NOS2: variants seen among roughly 807,000 people sequenced by gnomAD.
The protein encoded by NOS2 is nitric oxide synthase, inducible.
NOS2 carries 96 observed loss-of-function variants against 136.0 expected under a neutral mutation model. The observed-to-expected ratio is 0.71, with a 90% CI of 0.60 to 0.84. NOS2 has a LOEUF of 0.84. Ranked by LOEUF, NOS2 falls within the 40% of genes least tolerant of loss-of-function variation. NOS2 has a pLI of 0.00. For synonymous variants in NOS2, 539 were observed against 587.5 expected (o/e 0.92, Z 1.20); for missense variants, 1,237 against 1,496.9 (o/e 0.83, Z 2.87).
At chr17:27,794,340 G>A (rs1255392248) in intron 2 of NOS2, among the ~76,000 whole-genome samples, 1 of 152,186 alleles carries the variant, frequency 6.6e-6, no homozygotes, top group Non-Finnish European at 1.5e-5. Flanking sequence ...AATATTGCAG[G>A]AGGGATCGTA....
chr17:27,764,309 G>T (rs1385913330), intron 20 of NOS2, among the ~76,000 whole-genome samples, 165 bp from the exon 21 acceptor site: 1 of 152,032 alleles, frequency 6.6e-6, no homozygotes, highest in African/African-American at 2.4e-5. Context: ...GTGGCGCATG[G>T]AGAAAGGACT....
intron 22 of NOS2, 72 bp from the exon 23 acceptor site, chr17:27,761,303 A>G (rs1268940807): frequency 9.3e-7 from 1 of 1,076,050 alleles, no homozygotes; most frequent in Non-Finnish European, 1.3e-6. Context: ...TGCTCCGCCC[A>G]CACCACGGCC....
chr17:27,759,662 C>T (rs751565381), intron 25 of NOS2, among the ~76,000 whole-genome samples: 3 of 152,154 alleles, frequency 2.0e-5, no homozygotes, highest in Non-Finnish European at 2.9e-5. Context: ...GACAGAAGAG[C>T]CCCTCTGATG....
chr17:27,767,667 A>G (rs1234523928), intron 18 of NOS2, 38 bp downstream of exon 18: 2 of 1,608,364 alleles, frequency 1.2e-6, no homozygotes, highest in Non-Finnish European at 8.5e-7. Context: ...TCAGACCCCA[A>G]CACAAACAAG....
chr17:27,797,564 A>G (rs1469322966), intron 2 of NOS2, among the ~76,000 whole-genome samples: 1 of 152,230 alleles, frequency 6.6e-6, no homozygotes, highest in Non-Finnish European at 1.5e-5. Context: ...AGATACACTC[A>G]GGGCCGTCAT....
chr17:27,785,579 G>A (rs1424125677), intron 5 of NOS2, among the ~76,000 whole-genome samples: 1 of 151,974 alleles, frequency 6.6e-6, no homozygotes, highest in Non-Finnish European at 1.5e-5. Flanking sequence ...GTGCAGCCAG[G>A]GTTGAGGACC....
At position 27,758,945 on chromosome 17, in the gene NOS2, T is replaced by C. The variant is rs756498871; in HGVS notation, c.3290A>G (p.Gln1097Arg). ...MARDVAHTLK[Q>R]LVAAKLKLNE... ...CAATTTCAGCTTGGCAGCCACCAGC[T>C]GCTTCAGGGTGTGGGCCACGTCCCG... The change falls in exon 26 of 27, where the codon CAG becomes CGG. Residue 1097 changes from glutamine to arginine, a missense_variant. By Grantham distance (43) the Gln-to-Arg change is conservative. Transcript: ENST00000313735. 2 of 1,612,068 alleles carry C rather than the reference T, an allele frequency of 1.2e-6. No homozygotes were observed. Among genetic ancestry groups the C allele is most frequent in the Non-Finnish European group, 1.7e-6 (2 of 1,179,180 alleles).
Position 27,761,206 on chromosome 17 carries a change from G to A in NOS2, c.2826C>T (p.Gly942=), listed in dbSNP as rs1060828. 1.4e-5 allele frequency: 22 copies of A among 1,609,214 alleles called. No individual in the cohort carries two copies. The African/African-American group carries it at 1.6e-4, about 12-fold the overall frequency. Residue 942 remains glycine, a synonymous_variant, in exon 23 of 27, where the codon GGC becomes GGT. Coordinates refer to ENST00000313735, the MANE Select transcript of NOS2 (RefSeq NM_000625.4). ...GGCTGTTGAGCCATGTGCTGCAGAC[G>A]CCGTGGTGCAGGGGACCCTGGCCAT... ...TRDGQGPLHH[G]VCSTWLNSLK...
At chr17:27,769,386 GAC>G in intron 16 of NOS2, 147 bp downstream of exon 16, 2 of 764,568 alleles carry the variant, frequency 2.6e-6, no homozygotes, top group Non-Finnish European at 4.4e-6. Flanking sequence ...TTTGACCCTC[GAC>G]ACATTCTGAG....
intron 22 of NOS2, among the ~76,000 whole-genome samples, chr17:27,762,137 C>T (rs1247569010): frequency 6.6e-6 from 1 of 152,030 alleles, no homozygotes; most frequent in Non-Finnish European, 1.5e-5. Context: ...TCTATGGCAG[C>T]GTCACCCCCT....
intron 11 of NOS2, among the ~76,000 whole-genome samples, chr17:27,776,281 T>C (rs1321178793): frequency 6.6e-6 from 1 of 152,208 alleles, no homozygotes; most frequent in African/African-American, 2.4e-5. Flanking sequence ...TATATGTGTA[T>C]ATAAAAGTCC....
rs3730013 is a variant in NOS2, at chr17:27,798,892, G to A, written c.-73-10C>T. On this transcript the variant is annotated splice_polypyrimidine_tract_variant and intron_variant, in intron 1 of 26. Coordinates refer to ENST00000313735, the MANE Select transcript of NOS2 (RefSeq NM_000625.4). ...GTTCTTCACTGTGGGGCTGAAGAAG[G>A]GAAGCAGAGGTGAGGGAAGGTTGAA... 306,804 of 886,886 alleles carry A rather than the reference G, an allele frequency of 0.35. 53,564 individuals are homozygous for A. Among genetic ancestry groups the A allele is most frequent in the Admixed American group, 0.45 (24,871 of 54,956 alleles). The allele number at this position is 886,886 out of a possible 1,614,324, so 54.9% of individuals were successfully genotyped here.
At chr17:27,793,129 C>T (rs889684294) in intron 2 of NOS2, among the ~76,000 whole-genome samples, 1 of 122,136 alleles carries the variant, frequency 8.2e-6, no homozygotes, top group African/African-American at 3.1e-5. Context: ...GATTCCCCTG[C>T]GGTTCCGACG....
intron 12 of NOS2, among the ~76,000 whole-genome samples, chr17:27,773,493 T>G (rs1908565723): frequency 6.6e-6 from 1 of 152,208 alleles, no homozygotes; most frequent in African/African-American, 2.4e-5. Context: ...TTCTCATTAG[T>G]GTCCTCCTGG....
At chr17:27,792,904 C>A (rs1909237889) in intron 2 of NOS2, among the ~76,000 whole-genome samples, 1 of 150,222 alleles carries the variant, frequency 6.7e-6, no homozygotes, top group Non-Finnish European at 1.5e-5. Flanking sequence ...GTGGGAGGAT[C>A]ACCTGAGCCC....
intron 13 of NOS2, among the ~76,000 whole-genome samples, 190 bp downstream of exon 13, chr17:27,772,971 G>A (rs1908544138): frequency 6.6e-6 from 1 of 152,182 alleles, no homozygotes; most frequent in African/African-American, 2.4e-5. Flanking sequence ...GGAAGCAGAG[G>A]CTGCAGTGAG....
intron 11 of NOS2, among the ~76,000 whole-genome samples, chr17:27,776,865 A>G (rs1383005427): frequency 6.6e-6 from 1 of 152,146 alleles, no homozygotes; most frequent in African/African-American, 2.4e-5. Flanking sequence ...CCCATTTTAC[A>G]GAGGAGGAAA....
chr17:27,796,469 AAAAAAT>A (rs1478056181), intron 2 of NOS2, among the ~76,000 whole-genome samples: 3 of 152,104 alleles, frequency 2.0e-5, no homozygotes, highest in Non-Finnish European at 4.4e-5. Context: ...TAATAATAAT[AAAAAAT>A]AAAAATAGAA....
intron 23 of NOS2, 25 bp from the exon 24 acceptor site, chr17:27,760,769 GC>G (rs1294657209): frequency 1.3e-6 from 2 of 1,545,704 alleles, no homozygotes; most frequent in African/African-American, 2.7e-5. Flanking sequence ...AGAAGAGGGG[GC>G]CAGTCCTCAG....
Sources: allele counts gnomAD v4.1 joint callset (sites outside exome capture counted in the v4.1 genomes callset), GRCh38; gene constraint gnomAD v4.1.1; transcripts MANE v1.5; gene names NCBI Gene and HGNC (gene_info 2026-07-23, HGNC 2026-07-21).